PHF24: variants seen among roughly 807,000 people sequenced by gnomAD.
The protein encoded by PHF24 is PHD finger protein 24, also known as Galpha inhibitory interacting protein.
A neutral mutation model predicts 42.6 loss-of-function variants in PHF24; 25 were observed. That is an observed-to-expected ratio of 0.59 (90% confidence interval 0.43 to 0.82). The LOEUF (loss-of-function observed/expected upper bound fraction) is 0.82, where lower values mean the gene tolerates loss of function less well. PHF24 is among the 40% of genes least tolerant of loss of function. The probability of loss-of-function intolerance (pLI) is 0.00; values close to 1 mark genes in which losing one functional copy is unlikely to be tolerated. For synonymous variants in PHF24, 185 were observed against 204.8 expected, an observed-to-expected ratio of 0.90 and a Z score of 0.83; for missense variants, 470 against 538.1, an observed-to-expected ratio of 0.87 and a Z score of 1.25.
At chr9:34,932,614 T>G in the PHF24 span, among the ~76,000 whole-genome samples, 22 of 152,314 alleles carry the variant, frequency 1.4e-4, no homozygotes, top group African/African-American at 5.3e-4. Flanking sequence ...TGAATAAAAT[T>G]AGTAATGAAA....
At chr9:34,737,712 C>T in the PHF24 span, among the ~76,000 whole-genome samples, 2 of 152,122 alleles carry the variant, frequency 1.3e-5, no homozygotes, top group East Asian at 1.9e-4. Flanking sequence ...GAGAACACTG[C>T]GATTCCCAGT....
At chr9:34,946,431 A>T in the PHF24 span, among the ~76,000 whole-genome samples, 1 of 152,196 alleles carries the variant, frequency 6.6e-6, no homozygotes, top group Non-Finnish European at 1.5e-5. Context: ...AGTGATTGAC[A>T]CTATTTCTCT....
At chr9:34,882,706 A>G in the PHF24 span, among the ~76,000 whole-genome samples, 1 of 152,216 alleles carries the variant, frequency 6.6e-6, no homozygotes, top group African/African-American at 2.4e-5. Context: ...GCTCAACGAA[A>G]TAAAAGAGGA....
At chr9:34,727,584 G>A in the PHF24 span, among the ~76,000 whole-genome samples, 11 of 152,154 alleles carry the variant, frequency 7.2e-5, no homozygotes, top group African/African-American at 2.4e-4. Context: ...AGACAGAACC[G>A]GAGGAGGTCA....
the PHF24 span, among the ~76,000 whole-genome samples, chr9:34,931,507 C>A: frequency 2.2e-4 from 33 of 151,916 alleles, no homozygotes; most frequent in African/African-American, 8.0e-4. Context: ...ACCAAAATTT[C>A]AGATATCATC....
chr9:34,816,549 G>A, the PHF24 span, among the ~76,000 whole-genome samples: 1 of 152,058 alleles, frequency 6.6e-6, no homozygotes, highest in Non-Finnish European at 1.5e-5. Context: ...ATCTGGTGAG[G>A]GCCTGCTTTT....
At chr9:34,887,555 T>G in the PHF24 span, among the ~76,000 whole-genome samples, 1 of 152,200 alleles carries the variant, frequency 6.6e-6, no homozygotes, top group Non-Finnish European at 1.5e-5. Flanking sequence ...GCATCTGCAT[T>G]AGCTGTAATT....
At chr9:34,908,088 G>T in the PHF24 span, among the ~76,000 whole-genome samples, 3 of 152,036 alleles carry the variant, frequency 2.0e-5, no homozygotes, top group African/African-American at 7.2e-5. Flanking sequence ...TGATCTGCCC[G>T]CCTCGGCCTC....
At chr9:34,744,060 C>T in the PHF24 span, among the ~76,000 whole-genome samples, 1 of 152,158 alleles carries the variant, frequency 6.6e-6, no homozygotes, top group Non-Finnish European at 1.5e-5. Flanking sequence ...ACCTAATTAC[C>T]TTTTATTAGG....
At chr9:34,839,916 A>G in the PHF24 span, among the ~76,000 whole-genome samples, 1 of 152,146 alleles carries the variant, frequency 6.6e-6, no homozygotes, top group Non-Finnish European at 1.5e-5. Context: ...TTAATTTTGG[A>G]GTTTTGTCTA....
At chr9:34,722,889 A>C in the PHF24 span, among the ~76,000 whole-genome samples, 2 of 152,100 alleles carry the variant, frequency 1.3e-5, no homozygotes, top group African/African-American at 4.8e-5. Flanking sequence ...ATGACCTTTA[A>C]CTTCAGTGCA....
At chr9:34,961,537 A>G (rs1193779497) in intron 1 of PHF24, among the ~76,000 whole-genome samples, 1 of 152,222 alleles carries the variant, frequency 6.6e-6, no homozygotes, top group Non-Finnish European at 1.5e-5. Context: ...GAGTTCACAT[A>G]GAATCAGTCT....
the PHF24 span, among the ~76,000 whole-genome samples, chr9:34,715,477 C>A: frequency 6.6e-6 from 1 of 152,160 alleles, no homozygotes; most frequent in Non-Finnish European, 1.5e-5. Context: ...AGTCCTCAGA[C>A]CAGGCTGGAT....
chr9:34,672,321 A>G, the PHF24 span, among the ~76,000 whole-genome samples: 1 of 152,208 alleles, frequency 6.6e-6, no homozygotes, highest in East Asian at 1.9e-4. Context: ...ATGAGATTTG[A>G]TGTTTGGATG....
the PHF24 span, chr9:34,729,258 T>C: frequency 1.3e-6 from 2 of 1,545,234 alleles, no homozygotes; most frequent in Non-Finnish European, 8.7e-7. Flanking sequence ...GAGGCTTAAT[T>C]AGTTCAGTTG....
the PHF24 span, among the ~76,000 whole-genome samples, chr9:34,925,104 G>T: frequency 6.6e-6 from 1 of 151,980 alleles, no homozygotes; most frequent in Non-Finnish European, 1.5e-5. Context: ...CCTCATTTCT[G>T]AATAATAGCT....
the PHF24 span, chr9:34,917,532 G>T: frequency 1.9e-5 from 15 of 775,156 alleles, no homozygotes; most frequent in Admixed American, 8.5e-5. Context: ...ACCTGTAAAC[G>T]GATAATCGAC....
At chr9:34,873,070 A>G in the PHF24 span, among the ~76,000 whole-genome samples, 1 of 148,898 alleles carries the variant, frequency 6.7e-6, no homozygotes, top group Non-Finnish European at 1.5e-5. Flanking sequence ...TTTCTTGTAA[A>G]TTTGTTTGAG....
the PHF24 span, among the ~76,000 whole-genome samples, chr9:34,932,267 A>AT: frequency 1.3e-5 from 2 of 152,108 alleles, no homozygotes; most frequent in African/African-American, 4.8e-5. Flanking sequence ...AACTAAGCCC[A>AT]TTTTTTTCCC....
Sources: allele counts gnomAD v4.1 joint callset (sites outside exome capture counted in the v4.1 genomes callset), GRCh38; gene constraint gnomAD v4.1.1; transcripts MANE v1.5; gene names NCBI Gene and HGNC (gene_info 2026-07-23, HGNC 2026-07-21).